ACTA2: variants seen among roughly 807,000 people sequenced by gnomAD.
ACTA2 encodes actin alpha 2, smooth muscle, also known as actin, aortic smooth muscle.
A neutral mutation model predicts 39.5 loss-of-function variants in ACTA2; 12 were observed. That is an observed-to-expected ratio of 0.30 (90% CI 0.19 to 0.49). The LOEUF is 0.49. ACTA2 is among the 20% of genes least tolerant of loss of function. ACTA2 has a pLI of 0.99. For synonymous variants in ACTA2, 158 were observed against 180.6 expected (o/e 0.88, Z 1.00); for missense variants, 236 against 498.8 (o/e 0.47, Z 5.02).
intron 3 of ACTA2, among the ~76,000 whole-genome samples, chr10:88,945,965 C>T (rs542568453): frequency 6.6e-6 from 1 of 152,294 alleles, no homozygotes; most frequent in African/African-American, 2.4e-5. Flanking sequence ...TCATGCACTG[C>T]TTGTCCTAGG....
At chr10:88,941,139 C>A in intron 6 of ACTA2, 90 bp downstream of exon 6, 1 of 1,543,500 alleles carries the variant, frequency 6.5e-7, no homozygotes, top group Non-Finnish European at 8.9e-7. Context: ...AAAACTTCAT[C>A]CCATCATCTC....
At chr10:88,984,326 G>A (rs1846808849) in intron 1 of ACTA2, among the ~76,000 whole-genome samples, 1 of 152,124 alleles carries the variant, frequency 6.6e-6, no homozygotes, top group Non-Finnish European at 1.5e-5. Flanking sequence ...GGGAGGTGTT[G>A]ATCTTATGGT....
chr10:88,957,708 C>T (rs939173094), upstream of ACTA2, among the ~76,000 whole-genome samples: 1 of 152,198 alleles, frequency 6.6e-6, no homozygotes, highest in African/African-American at 2.4e-5. Flanking sequence ...TCTTTTAGCA[C>T]ACTTTACATA....
intron 1 of ACTA2, among the ~76,000 whole-genome samples, chr10:88,985,098 A>C (rs984247975): frequency 1.3e-5 from 2 of 152,220 alleles, no homozygotes; most frequent in Non-Finnish European, 2.9e-5. Context: ...AAAATAATAA[A>C]ATAAATAAAA....
chr10:88,983,513 G>A (rs1204736517), intron 1 of ACTA2, among the ~76,000 whole-genome samples: 1 of 147,720 alleles, frequency 6.8e-6, no homozygotes, highest in Non-Finnish European at 1.5e-5. Flanking sequence ...GTGTGACTTT[G>A]GGCAAGTCTT....
intron 8 of ACTA2, among the ~76,000 whole-genome samples, chr10:88,935,989 G>C (rs993072460): frequency 1.1e-4 from 17 of 152,142 alleles, no homozygotes; most frequent in South Asian, 4.1e-4. Flanking sequence ...GAATGGTTTA[G>C]GCACAGAGAA....
At chr10:88,946,222 C>T (rs893601524) in intron 3 of ACTA2, among the ~76,000 whole-genome samples, 3 of 151,800 alleles carry the variant, frequency 2.0e-5, no homozygotes, top group Non-Finnish European at 4.4e-5. Context: ...CCACCTCAGC[C>T]TCCTGAGTAG....
intron 1 of ACTA2, among the ~76,000 whole-genome samples, chr10:88,967,062 C>T (rs1846331345): frequency 6.6e-6 from 1 of 152,158 alleles, no homozygotes; most frequent in African/African-American, 2.4e-5. Flanking sequence ...CATACTTTAG[C>T]CCCTAGAAAA....
intron 1 of ACTA2, 57 bp from the exon 2 acceptor site, chr10:88,949,010 C>T: frequency 6.3e-7 from 1 of 1,584,728 alleles, no homozygotes; most frequent in Non-Finnish European, 8.6e-7. Flanking sequence ...GTGGCACTTA[C>T]CTGACAACTC....
In ACTA2 at chr10:88,941,224, C is replaced by G. The variant is rs1845842113; in HGVS notation, c.616+5G>C. 15 of 1,613,838 alleles carry G rather than the reference C, an allele frequency of 9.3e-6. No homozygotes were observed. Among genetic ancestry groups the G allele is most frequent in the Non-Finnish European group, 1.3e-5 (15 of 1,179,852 alleles). On this transcript the variant is annotated splice_donor_5th_base_variant and intron_variant, in intron 6 of 8. Transcript: ENST00000224784. ...CCTCTCCCCCTTATCTCCCACAGGC[C>G]TCACCAGTAGTAACGAAGGAATAGC...
At chr10:88,941,904 G>A in intron 4 of ACTA2, 35 bp from the exon 5 acceptor site, 1 of 1,574,252 alleles carries the variant, frequency 6.4e-7, no homozygotes, top group Non-Finnish European at 8.7e-7. Context: ...GTTAGTGAAG[G>A]TGCCCATCTG....
intron 1 of ACTA2, among the ~76,000 whole-genome samples, chr10:88,987,451 C>A (rs898632223): frequency 1.6e-4 from 25 of 152,210 alleles, no homozygotes; most frequent in African/African-American, 6.0e-4. Flanking sequence ...GCTCTACCAA[C>A]CTTGATCTTT....
chr10:88,950,088 A>G (rs1846023073), intron 1 of ACTA2, among the ~76,000 whole-genome samples: 1 of 152,218 alleles, frequency 6.6e-6, no homozygotes, highest in Non-Finnish European at 1.5e-5. Context: ...ATTTTCACAA[A>G]TAAGAAAATC....
intron 1 of ACTA2, among the ~76,000 whole-genome samples, chr10:88,963,596 A>G (rs952608387): frequency 1.3e-5 from 2 of 152,262 alleles, no homozygotes; most frequent in East Asian, 3.9e-4. Context: ...GACCTATTTA[A>G]ACCAATAGCA....
intron 1 of ACTA2, chr10:88,973,232 G>A (rs1416509653): frequency 6.2e-7 from 1 of 1,612,524 alleles, no homozygotes; most frequent in Non-Finnish European, 8.5e-7. Flanking sequence ...TGGAGATGGA[G>A]CCCCTGAAAA....
intron 1 of ACTA2, among the ~76,000 whole-genome samples, chr10:88,958,766 C>A (rs1437195321): frequency 5.9e-5 from 9 of 152,164 alleles, no homozygotes; most frequent in African/African-American, 2.2e-4. Context: ...GCCCCAGCTT[C>A]CTAGTGATTG....
intron 1 of ACTA2, among the ~76,000 whole-genome samples, chr10:88,982,867 A>G (rs72809352): frequency 0.087 from 13,227 of 152,186 alleles, 754 homozygotes; most frequent in Non-Finnish European, 0.12. Flanking sequence ...TAATAATATA[A>G]CTGGCCAAAG....
intron 1 of ACTA2, among the ~76,000 whole-genome samples, chr10:88,977,464 A>C (rs573837020): frequency 9.9e-5 from 15 of 152,252 alleles, no homozygotes; most frequent in Non-Finnish European, 1.8e-4. Context: ...GTCAAAGATC[A>C]GATAGTTGTA....
At chr10:88,941,468 T>TG in intron 5 of ACTA2, 78 bp from the exon 6 acceptor site, 1 of 1,575,462 alleles carries the variant, frequency 6.3e-7, no homozygotes, top group Non-Finnish European at 8.7e-7. Flanking sequence ...AGGGAAGCCT[T>TG]GGGGGAGAGG....
Sources: allele counts gnomAD v4.1 joint callset (sites outside exome capture counted in the v4.1 genomes callset), GRCh38; gene constraint gnomAD v4.1.1; transcripts MANE v1.5; gene names NCBI Gene and HGNC (gene_info 2026-07-23, HGNC 2026-07-21).